Variants in MAGI1 observed in about 807,000 individuals in gnomAD.
MAGI1 encodes membrane associated guanylate kinase, WW and PDZ domain containing 1, also known as membrane-associated guanylate kinase, WW and PDZ domain-containing protein 1.
In MAGI1, 58 loss-of-function variants were observed where a neutral mutation model predicts 139.9. The observed-to-expected ratio is 0.41, with a 90% confidence interval of 0.34 to 0.52. The LOEUF is 0.52. MAGI1 is among the 20% of genes least tolerant of loss of function. MAGI1 has a pLI of 0.12. For synonymous variants in MAGI1, 812 were observed against 737.9 expected (o/e 1.10, Z -1.63); for missense variants, 1,874 against 1,901.6 (o/e 0.99, Z 0.27).
intron 1 of MAGI1, among the ~76,000 whole-genome samples, chr3:65,980,915 T>C (rs1049346133): frequency 1.3e-5 from 2 of 152,100 alleles, no homozygotes; most frequent in African/African-American, 2.4e-5. Context: ...TCCCAGCACT[T>C]TGGGAGGCCA....
intron 1 of MAGI1, among the ~76,000 whole-genome samples, chr3:65,916,328 G>A (rs1409327916): frequency 1.3e-5 from 2 of 152,068 alleles, no homozygotes; most frequent in African/African-American, 4.8e-5. Flanking sequence ...CTCAGCCATT[G>A]TATTAGTCTG....
At chr3:65,999,058 C>T (rs2066604654) in intron 1 of MAGI1, among the ~76,000 whole-genome samples, 1 of 152,018 alleles carries the variant, frequency 6.6e-6, no homozygotes, top group Non-Finnish European at 1.5e-5. Flanking sequence ...TAAAAGAATC[C>T]CTTTTTTAAA....
intron 1 of MAGI1, among the ~76,000 whole-genome samples, chr3:65,766,961 C>T (rs956280390): frequency 6.6e-6 from 1 of 152,060 alleles, no homozygotes; most frequent in African/African-American, 2.4e-5. Flanking sequence ...GGTTCTAGTC[C>T]GAATTTGGTT....
intron 3 of MAGI1, among the ~76,000 whole-genome samples, chr3:65,483,589 C>A (rs1283403015): frequency 6.6e-6 from 1 of 152,216 alleles, no homozygotes; most frequent in Non-Finnish European, 1.5e-5. Context: ...ACTTGGCAGG[C>A]TGCACAGTGT....
Position 65,442,776 on chromosome 3 carries a change from G to A in MAGI1, c.1136+16C>T, listed in dbSNP as rs185344108. ...AGAGGTATAAACTAATGTGTGGATT[G>A]TGAATGGGCACTTACTCTACATAGT... On this transcript the variant is annotated intron_variant, in intron 8 of 22. Coordinates refer to ENST00000402939, the MANE Select transcript of MAGI1 (RefSeq NM_001033057.2). 29 of 1,601,068 alleles carry A rather than the reference G, an allele frequency of 1.8e-5. No homozygotes were observed. In the Admixed American group the frequency reaches 3.0e-4, roughly 17 times the overall value.
At chr3:65,743,336 G>C (rs1378085411) in intron 1 of MAGI1, among the ~76,000 whole-genome samples, 1 of 152,162 alleles carries the variant, frequency 6.6e-6, no homozygotes, top group Non-Finnish European at 1.5e-5. Context: ...TGTCCACCAA[G>C]TTCTTTATAT....
At chr3:65,481,289 C>T (rs1280233234) in intron 3 of MAGI1, among the ~76,000 whole-genome samples, 1 of 152,136 alleles carries the variant, frequency 6.6e-6, no homozygotes, top group South Asian at 2.1e-4. Context: ...GAAATTAGCA[C>T]GTGTCAAACA....
In MAGI1 at chr3:65,391,071, A is replaced by G. The variant is rs935263396; in HGVS notation, c.2416+71T>C. 6.8e-6 allele frequency: 9 copies of G among 1,331,602 alleles called. No individual in the cohort carries two copies. The African/African-American group carries it at 1.3e-4, about 20-fold the overall frequency. The allele number at this position is 1,331,602 out of a possible 1,614,324, so 82.5% of individuals were successfully genotyped here. ...TACACACTGCAACTCATCTATTTTCAATAACCTTCAAGAGAAAGGTAGAGC... is the reference window on the plus strand; with the variant it reads ...TACACACTGCAACTCATCTATTTTCGATAACCTTCAAGAGAAAGGTAGAGC... On this transcript the variant is annotated intron_variant, in intron 14 of 22. Transcript: ENST00000402939.
At chr3:65,640,424 A>G (rs998899548) in intron 1 of MAGI1, among the ~76,000 whole-genome samples, 1 of 152,136 alleles carries the variant, frequency 6.6e-6, no homozygotes, top group Non-Finnish European at 1.5e-5. Context: ...CTGTTCTAAG[A>G]GCCTCTGATA....
At position 65,857,298 on chromosome 3, in the gene MAGI1, A is replaced by G. The variant is rs2059406481; in HGVS notation, c.313+180698T>C. On this transcript the variant is annotated intron_variant, in intron 1 of 22. Coordinates refer to ENST00000402939, the MANE Select transcript of MAGI1 (RefSeq NM_001033057.2). ...CTGGTTCAGATTTTATGAACCATCAAAACACAGAAATGCTACCAAGTAATG... is the reference window on the plus strand; with the variant it reads ...CTGGTTCAGATTTTATGAACCATCAGAACACAGAAATGCTACCAAGTAATG... Among the ~76,000 whole-genome samples, 3 of 152,358 alleles carry G rather than the reference A, an allele frequency of 2.0e-5. No individual in the cohort carries two copies. The South Asian group carries it at 6.2e-4, about 32-fold the overall frequency.
At chr3:65,913,588 G>A (rs914821673) in intron 1 of MAGI1, among the ~76,000 whole-genome samples, 1 of 152,172 alleles carries the variant, frequency 6.6e-6, no homozygotes, top group East Asian at 1.9e-4. Context: ...GGGAAATGCT[G>A]CATTGGGCAA....
At chr3:65,541,423 AG>A (rs1476026511) in intron 2 of MAGI1, among the ~76,000 whole-genome samples, 1 of 152,234 alleles carries the variant, frequency 6.6e-6, no homozygotes, top group African/African-American at 2.4e-5. Flanking sequence ...TCATTTTATG[AG>A]GCCAGCATCA....
chr3:65,382,138 C>T (rs1007068009), intron 15 of MAGI1, 69 bp from the exon 16 acceptor site: 38 of 1,281,504 alleles, frequency 3.0e-5, no homozygotes, highest in African/African-American at 3.0e-5. Context: ...ATAGCCTTCA[C>T]ATCTCTGGGA....
intron 1 of MAGI1, among the ~76,000 whole-genome samples, chr3:65,847,505 T>G (rs1032529276): frequency 2.0e-5 from 3 of 152,166 alleles, no homozygotes. Flanking sequence ...CTAACTAACA[T>G]ATTAAACAAA....
At chr3:65,439,648 C>T (rs1948108162) in intron 9 of MAGI1, among the ~76,000 whole-genome samples, 1 of 152,166 alleles carries the variant, frequency 6.6e-6, no homozygotes. Flanking sequence ...AATGATGCTC[C>T]TTTCTAAATT....
chr3:65,997,762 C>G (rs2066527782), intron 1 of MAGI1, among the ~76,000 whole-genome samples: 1 of 152,168 alleles, frequency 6.6e-6, no homozygotes, highest in Non-Finnish European at 1.5e-5. Flanking sequence ...TGTGTTTCCT[C>G]TTTTCCCTCT....
At position 65,356,697 on chromosome 3, in the gene MAGI1, C is replaced by G. The variant is rs1371460714; in HGVS notation, c.4070G>C (p.Arg1357Pro). 1 of 1,592,400 alleles carries G rather than the reference C, an allele frequency of 6.3e-7. No homozygotes were observed. Among genetic ancestry groups the G allele is most frequent in the Non-Finnish European group, 8.5e-7 (1 of 1,169,930 alleles). ...RDVSPERRRE[R>P]SPTRRRDGSP... Reference sequence around the variant, plus strand: ...GCCGTCTCTCCTGCGGGTGGGTGACCGCTCTCGCCTCCGCTCCGGAGAGAC... The same window carrying G: ...GCCGTCTCTCCTGCGGGTGGGTGACGGCTCTCGCCTCCGCTCCGGAGAGAC... The change falls in exon 23 of 23, where the codon CGG becomes CCG. Residue 1357 changes from arginine to proline, a missense_variant. Around this residue, in one of 5 missense-constraint regions of MAGI1, gnomAD observed 653 missense variants for 644.5 expected, o/e 1.01. Transcript: ENST00000402939.
intron 1 of MAGI1, among the ~76,000 whole-genome samples, chr3:65,956,122 G>A (rs2064115385): frequency 6.6e-6 from 1 of 151,798 alleles, no homozygotes; most frequent in African/African-American, 2.4e-5. Context: ...TAATGCTCTG[G>A]GTGAAATAAC....
intron 1 of MAGI1, among the ~76,000 whole-genome samples, chr3:65,796,425 G>A (rs138182619): frequency 1.5e-3 from 230 of 152,178 alleles, no homozygotes; most frequent in African/African-American, 5.1e-3. Context: ...TGGGTACCGT[G>A]GCCTAGCCAA....
Sources: gnomAD v4.1 joint callset for allele counts (sites outside exome capture counted in the v4.1 genomes callset) on GRCh38, gnomAD v4.1.1 for gene constraint, gnomAD v4.1.1 regional missense constraint, MANE v1.5 for transcripts, NCBI Gene and HGNC (gene_info 2026-07-23, HGNC 2026-07-21) for gene names.